The following TAF2 variants were observed in gnomAD, a reference collection of about 807,000 sequenced individuals.
The protein encoded by TAF2 is transcription initiation factor TFIID subunit 2.
In TAF2, 61 loss-of-function variants were observed where a neutral mutation model predicts 138.5. The observed-to-expected ratio is 0.44, with a 90% confidence interval of 0.36 to 0.54. The LOEUF is 0.54. TAF2 is among the 20% of genes least tolerant of loss of function. The probability of loss-of-function intolerance (pLI) is 0.00; values close to 1 mark genes in which losing one functional copy is unlikely to be tolerated. For missense variants in TAF2, 1,090 were observed against 1,427.9 expected (o/e 0.76, Z 3.81); for synonymous variants, 475 against 469.9 (o/e 1.01, Z -0.14).
At chr8:119,828,751 A>G (rs1230459113) in intron 2 of TAF2, among the ~76,000 whole-genome samples, 1 of 152,216 alleles carries the variant, frequency 6.6e-6, no homozygotes, top group African/African-American at 2.4e-5. Context: ...AAGACACTAG[A>G]GGTAGCTAAT....
intron 18 of TAF2, among the ~76,000 whole-genome samples, chr8:119,765,558 G>T (rs1215070256): frequency 2.6e-5 from 4 of 152,116 alleles, no homozygotes; most frequent in African/African-American, 9.7e-5. Context: ...AAGCTGGAGG[G>T]GTGGACTGGG....
intron 18 of TAF2, among the ~76,000 whole-genome samples, chr8:119,766,746 A>G (rs144840397): frequency 1.5e-3 from 231 of 152,240 alleles, no homozygotes; most frequent in Non-Finnish European, 2.7e-3. Flanking sequence ...AGGCAGGAGA[A>G]TTGCTTGAAC....
chr8:119,784,420 TGGCATGCAGCCA>T (rs1245457317), intron 15 of TAF2, among the ~76,000 whole-genome samples: 1 of 151,936 alleles, frequency 6.6e-6, no homozygotes, highest in Non-Finnish European at 1.5e-5. Flanking sequence ...CCAGGCATGG[TGGCATGCAGCCA>T]GGCATGCAGT....
chr8:119,779,697 G>A (rs946343750), intron 17 of TAF2, among the ~76,000 whole-genome samples: 9 of 152,214 alleles, frequency 5.9e-5, no homozygotes, highest in African/African-American at 2.2e-4. Flanking sequence ...GCACCCCAGT[G>A]CTGCTGTGCA....
chr8:119,767,289 C>A (rs1257273295), intron 18 of TAF2, among the ~76,000 whole-genome samples: 2 of 152,192 alleles, frequency 1.3e-5, no homozygotes, highest in East Asian at 3.8e-4. Context: ...AACAATTCAA[C>A]TATTATCATC....
chr8:119,756,100 G>A lies in TAF2; in HGVS notation c.2784C>T (p.Asn928=). The change falls in exon 22 of 26, where the codon AAC becomes AAT. Residue 928 remains asparagine (N), a synonymous_variant. Transcript: ENST00000378164. The stretch of plus-strand genomic sequence containing the variant: ...TAAATGGTGGGTTCTTAGTCAACAT[G>A]TTGAGAATCTTATGCCTGAAAGATT... ...PVPYVRHKIL[N]MLTKNPPFTK... 6.2e-7 allele frequency: 1 copy of A among 1,613,296 alleles called. No individual in the cohort carries two copies. Among genetic ancestry groups the A allele is most frequent in the Non-Finnish European group, 8.5e-7 (1 of 1,179,590 alleles).
intron 18 of TAF2, among the ~76,000 whole-genome samples, chr8:119,773,092 CA>C (rs34234495): frequency 0.48 from 64,694 of 135,674 alleles, 15,078 homozygotes; most frequent in African/African-American, 0.59. Context: ...TGGATTTTCT[CA>C]AAAAAAAAAA....
At chr8:119,773,618 A>G (rs1345619469) in intron 18 of TAF2, among the ~76,000 whole-genome samples, 2 of 151,568 alleles carry the variant, frequency 1.3e-5, no homozygotes, top group East Asian at 3.8e-4. Flanking sequence ...AAATATGCCA[A>G]AAGTTATAAA....
At chr8:119,808,770 G>A (rs1347893472) in intron 3 of TAF2, among the ~76,000 whole-genome samples, 6 of 152,188 alleles carry the variant, frequency 3.9e-5, no homozygotes, top group Non-Finnish European at 4.4e-5. Flanking sequence ...CAGGTGTCTT[G>A]TCAATAAGCA....
intron 3 of TAF2, among the ~76,000 whole-genome samples, chr8:119,811,822 A>T (rs1204585000): frequency 4.6e-5 from 7 of 151,628 alleles, no homozygotes; most frequent in South Asian, 2.1e-4. Context: ...AAAAAAAAAA[A>T]AAAAAATAAC....
At chr8:119,764,185 T>C (rs780141194) in intron 18 of TAF2, among the ~76,000 whole-genome samples, 1 of 152,008 alleles carries the variant, frequency 6.6e-6, no homozygotes, top group Non-Finnish European at 1.5e-5. Context: ...TACATAAATA[T>C]AGTATTTATT....
At chr8:119,811,021 G>T (rs1825016763) in intron 3 of TAF2, among the ~76,000 whole-genome samples, 1 of 152,048 alleles carries the variant, frequency 6.6e-6, no homozygotes, top group African/African-American at 2.4e-5. Context: ...CCTCATAGAA[G>T]TCAAAAATTA....
At chr8:119,817,567 G>A (rs1274266948) in intron 3 of TAF2, among the ~76,000 whole-genome samples, 2 of 152,102 alleles carry the variant, frequency 1.3e-5, no homozygotes, top group African/African-American at 4.8e-5. Flanking sequence ...AAATTTTAGG[G>A]AATATTATCA....
At chr8:119,791,246 A>G (rs1373336879) in intron 11 of TAF2, 78 bp downstream of exon 11, 2 of 1,549,998 alleles carry the variant, frequency 1.3e-6, no homozygotes, top group South Asian at 1.1e-5. Context: ...CCTGACTCCT[A>G]TTCTACAGAA....
chr8:119,761,165 T>A (rs117002138), intron 19 of TAF2, among the ~76,000 whole-genome samples: 154 of 152,286 alleles, frequency 1.0e-3, no homozygotes, highest in Non-Finnish European at 1.5e-3. Context: ...TTATTATCTT[T>A]TATACCGTAT....
chr8:119,732,099 T>C lies in TAF2; in HGVS notation c.3425A>G (p.Lys1142Arg), dbSNP rs1034156044. 3.1e-6 allele frequency: 5 copies of C among 1,614,186 alleles called. No homozygotes were observed. The highest frequency in any genetic ancestry group is 3.4e-6 in the Non-Finnish European group (4 of 1,180,042). The change falls in exon 26 of 26, where the codon AAA becomes AGA. Residue 1142 changes from lysine (K) to arginine (R), a missense_variant. Physicochemically the swap from Lys to Arg is conservative, Grantham distance 26 (BLOSUM62 2). Around this residue, in one of 3 missense-constraint regions of TAF2, gnomAD observed 580 missense variants for 719.6 expected, o/e 0.81. Transcript: ENST00000378164. ...SVFTKESTAS[K>R]HSDHHHHHHH... ...ATGGTGGTGATGGTGGTCACTGTGT[T>C]TGGAGGCTGTAGATTCCTTAGTAAA...
At chr8:119,742,894 C>T (rs373366112) in intron 24 of TAF2, among the ~76,000 whole-genome samples, 1 of 151,796 alleles carries the variant, frequency 6.6e-6, no homozygotes, top group Non-Finnish European at 1.5e-5. Context: ...CCAGCCTAGA[C>T]CCCGTCTCTA....
chr8:119,789,432 T>C (rs1051122412), intron 12 of TAF2, among the ~76,000 whole-genome samples, 160 bp downstream of exon 12: 1 of 152,166 alleles, frequency 6.6e-6, no homozygotes, highest in South Asian at 2.1e-4. Context: ...GCATCTTAGA[T>C]GAAACAATTC....
intron 24 of TAF2, among the ~76,000 whole-genome samples, chr8:119,743,468 A>G (rs1358093341): frequency 6.6e-6 from 1 of 152,186 alleles, no homozygotes; most frequent in Non-Finnish European, 1.5e-5. Context: ...TGTGCATGAT[A>G]TATAATGTAC....
Sources: gnomAD v4.1 joint callset for allele counts (sites outside exome capture counted in the v4.1 genomes callset) on GRCh38, gnomAD v4.1.1 for gene constraint, gnomAD v4.1.1 regional missense constraint, MANE v1.5 for transcripts, NCBI Gene and HGNC (gene_info 2026-07-23, HGNC 2026-07-21) for gene names.